The following PTPRD variants were observed in gnomAD, a reference collection of about 807,000 sequenced individuals.
PTPRD encodes receptor-type tyrosine-protein phosphatase delta.
In PTPRD, 34 loss-of-function variants were observed where a neutral mutation model predicts 214.5. That is an observed-to-expected ratio of 0.16 (90% CI 0.12 to 0.21). PTPRD has a LOEUF of 0.21. Among genes scored for constraint, PTPRD ranks in the 10% least tolerant of loss-of-function variants. The pLI is 1.00. For synonymous variants in PTPRD, 1,128 were observed against 845.7 expected (o/e 1.33, Z -5.79); for missense variants, 2,545 against 2,398.7 (o/e 1.06, Z -1.27).
At chr9:9,799,192 G>C (rs573077261) in intron 5 of PTPRD, among the ~76,000 whole-genome samples, 7 of 152,268 alleles carry the variant, frequency 4.6e-5, no homozygotes, top group African/African-American at 1.7e-4. Flanking sequence ...TAGGTTTGTA[G>C]TCAGGTTGAA....
At chr9:10,542,456 C>A (rs1171617918) in intron 2 of PTPRD, among the ~76,000 whole-genome samples, 1 of 152,112 alleles carries the variant, frequency 6.6e-6, no homozygotes, top group South Asian at 2.1e-4. Context: ...ACCTCTAATA[C>A]CTTACATAGT....
chr9:9,899,470 A>T (rs988360008), intron 5 of PTPRD, among the ~76,000 whole-genome samples: 2 of 152,162 alleles, frequency 1.3e-5, no homozygotes, highest in Admixed American at 1.3e-4. Context: ...ACAATTCATC[A>T]GGGAAATGCA....
intron 8 of PTPRD, among the ~76,000 whole-genome samples, chr9:9,566,177 G>A (rs182499607): frequency 2.0e-4 from 30 of 151,470 alleles, no homozygotes; most frequent in African/African-American, 7.3e-4. Context: ...ACATTTATAC[G>A]TGGACAACAC....
At chr9:10,123,638 G>T (rs1791641470) in intron 3 of PTPRD, among the ~76,000 whole-genome samples, 1 of 152,100 alleles carries the variant, frequency 6.6e-6, no homozygotes, top group African/African-American at 2.4e-5. Context: ...AAAAGATGAG[G>T]GAAAAACGTG....
intron 3 of PTPRD, among the ~76,000 whole-genome samples, chr9:10,094,539 C>T (rs201945365): frequency 1.3e-4 from 16 of 121,074 alleles, no homozygotes; most frequent in East Asian, 2.4e-4. Context: ...TTCTTTCTTT[C>T]TTTTTTTTTT....
At chr9:10,477,776 T>C (rs1040952819) in intron 2 of PTPRD, among the ~76,000 whole-genome samples, 1 of 152,052 alleles carries the variant, frequency 6.6e-6, no homozygotes, top group African/African-American at 2.4e-5. Context: ...GTGACACATA[T>C]ATACCATGGA....
chr9:9,161,598 A>G (rs558749568), intron 10 of PTPRD, among the ~76,000 whole-genome samples: 2 of 152,214 alleles, frequency 1.3e-5, no homozygotes, highest in South Asian at 2.1e-4. Flanking sequence ...ATAAAATACA[A>G]TCCTGGGGGA....
intron 2 of PTPRD, among the ~76,000 whole-genome samples, chr9:10,562,451 T>A (rs1329114942): frequency 6.6e-6 from 1 of 152,024 alleles, no homozygotes; most frequent in African/African-American, 2.4e-5. Context: ...AGAGCAGCAA[T>A]ATAATAATAA....
At chr9:9,563,845 C>T (rs1298693184) in intron 8 of PTPRD, among the ~76,000 whole-genome samples, 1 of 152,118 alleles carries the variant, frequency 6.6e-6, no homozygotes, top group Non-Finnish European at 1.5e-5. Context: ...AACCAACATG[C>T]TTTACCTGAG....
At chr9:9,412,597 G>T (rs566176782) in intron 8 of PTPRD, among the ~76,000 whole-genome samples, 1 of 152,082 alleles carries the variant, frequency 6.6e-6, no homozygotes, top group East Asian at 1.9e-4. Flanking sequence ...GTCACTACGC[G>T]AAGGGGTTTA....
intron 44 of PTPRD, among the ~76,000 whole-genome samples, chr9:8,330,258 G>A (rs1037308862): frequency 1.3e-5 from 2 of 152,160 alleles, no homozygotes; most frequent in Admixed American, 6.5e-5. Flanking sequence ...GAAATCCCCT[G>A]CCTTCTGTGT....
chr9:9,516,351 A>C (rs2096838210), intron 8 of PTPRD, among the ~76,000 whole-genome samples: 1 of 152,012 alleles, frequency 6.6e-6, no homozygotes, highest in Non-Finnish European at 1.5e-5. Context: ...TAACTCTAAA[A>C]AGACAGACAG....
chr9:8,373,944 G>A (rs1411720355), intron 39 of PTPRD, among the ~76,000 whole-genome samples: 1 of 148,598 alleles, frequency 6.7e-6, no homozygotes, highest in African/African-American at 2.5e-5. Flanking sequence ...GTTTTCTAGT[G>A]CCTCCACTTT....
intron 3 of PTPRD, among the ~76,000 whole-genome samples, chr9:10,180,530 A>T (rs2099276057): frequency 6.7e-6 from 1 of 148,596 alleles, no homozygotes; most frequent in Non-Finnish European, 1.5e-5. Flanking sequence ...TTTTCCAGAA[A>T]TTTTTAAGAT....
chr9:10,031,647 T>TATACATACACACACACACACAC, intron 4 of PTPRD, among the ~76,000 whole-genome samples: 2 of 89,692 alleles, frequency 2.2e-5, no homozygotes, highest in African/African-American at 1.6e-4. Context: ...TATATATATA[T>TATACATACACACACACACACAC]ACACACACAC....
At chr9:10,348,727 G>A (rs1320677562) in intron 2 of PTPRD, among the ~76,000 whole-genome samples, 2 of 152,064 alleles carry the variant, frequency 1.3e-5, no homozygotes, top group African/African-American at 2.4e-5. Flanking sequence ...ACGGAACTTC[G>A]ATATATGTGT....
intron 3 of PTPRD, among the ~76,000 whole-genome samples, chr9:10,048,044 T>C (rs1259576478): frequency 1.3e-5 from 2 of 152,216 alleles, no homozygotes; most frequent in South Asian, 4.1e-4. Flanking sequence ...AGTTGTATGC[T>C]AGCTCTGCTC....
At chr9:8,420,608 C>G (rs1017744812) in intron 35 of PTPRD, among the ~76,000 whole-genome samples, 1 of 151,918 alleles carries the variant, frequency 6.6e-6, no homozygotes, top group Non-Finnish European at 1.5e-5. Flanking sequence ...CAAATGAGTA[C>G]CAAGAGCAGA....
At chr9:9,296,742 G>GT in intron 9 of PTPRD, among the ~76,000 whole-genome samples, 1 of 151,738 alleles carries the variant, frequency 6.6e-6, no homozygotes. Flanking sequence ...TAAATAAGAA[G>GT]TTTTTTGTGT....
Sources: allele counts gnomAD v4.1 joint callset (sites outside exome capture counted in the v4.1 genomes callset), GRCh38; gene constraint gnomAD v4.1.1; transcripts MANE v1.5; gene names NCBI Gene and HGNC (gene_info 2026-07-23, HGNC 2026-07-21).